Variants in TBC1D9B observed in about 807,000 individuals in gnomAD.
TBC1D9B encodes TBC1 domain family member 9B.
A neutral mutation model predicts 121.1 loss-of-function variants in TBC1D9B; 87 were observed. That is an observed-to-expected ratio of 0.72 (90% CI 0.60 to 0.86). The LOEUF (loss-of-function observed/expected upper bound fraction) is 0.86, where lower values mean the gene tolerates loss of function less well. TBC1D9B is among the 40% of genes least tolerant of loss of function. The pLI, the probability that TBC1D9B is intolerant of heterozygous loss-of-function variation, is 0.00. For missense variants in TBC1D9B, 1,540 were observed against 1,628.6 expected, an observed-to-expected ratio of 0.95 and a Z score of 0.94; for synonymous variants, 668 against 670.1, an observed-to-expected ratio of 1.00 and a Z score of 0.05.
chr5:179,880,939 C>T (rs116649268), intron 7 of TBC1D9B, among the ~76,000 whole-genome samples: 2,196 of 152,238 alleles, frequency 0.014, 61 homozygotes, highest in African/African-American at 0.05. Context: ...CCAGAGGGAC[C>T]GACTAGGACA....
intron 7 of TBC1D9B, among the ~76,000 whole-genome samples, chr5:179,880,612 T>G (rs1441380140): frequency 6.6e-6 from 1 of 152,190 alleles, no homozygotes; most frequent in East Asian, 1.9e-4. Flanking sequence ...AACCCTGATC[T>G]TGACTGTGGT....
At position 179,875,102 on chromosome 5, in the gene TBC1D9B, C is replaced by T; in HGVS notation, c.1986G>A (p.Val662=). Residue 662 remains valine (V), a synonymous_variant, in exon 12 of 21, where the codon GTG becomes GTA. Transcript: ENST00000355235. This position sits in a 1 kb window ranked among gnomAD's most constrained non-coding sequence, Gnocchi z 4.5. The part of the protein sequence containing the change: ...QLSEKMQDLG[V]ISSISLSWFL... ...ACCAGGACAGCGAGATGCTGGAGAT[C>T]ACCCCCAGGTCCTGCATCTTCTCCG... 1 of 1,614,054 alleles carries T rather than the reference C, an allele frequency of 6.2e-7. No homozygotes were observed. The highest frequency in any genetic ancestry group is 8.5e-7 in the Non-Finnish European group (1 of 1,180,034).
Position 179,874,968 on chromosome 5 carries a change from A to G in TBC1D9B, c.2120T>C (p.Leu707Pro). The G allele has an allele frequency of 1.2e-6, 2 of 1,613,814 alleles. No homozygotes were observed. Among genetic ancestry groups the G allele is most frequent in the East Asian group, 2.2e-5 (1 of 44,880 alleles). The change falls in exon 12 of 21, where the codon CTG becomes CCG. Residue 707 changes from leucine (L) to proline (P), a missense_variant. By Grantham distance (98) the Leu-to-Pro change is moderately conservative (BLOSUM62 -3). Coordinates refer to ENST00000355235, the MANE Select transcript of TBC1D9B (RefSeq NM_015043.4). This position sits in a 1 kb window ranked among gnomAD's most constrained non-coding sequence, Gnocchi z 4.3. Reference protein sequence around the residue: ...KVILQVALAVLDANMEQLLGC... With the variant: ...KVILQVALAVPDANMEQLLGC... ...CAGCAGCTGCTCCATGTTGGCGTCC[A>G]GGACGGCCAGGGCCACCTGCAGGAT...
Position 179,875,291 on chromosome 5 carries a change from G to T in TBC1D9B, c.1901-104C>A. 1 of 1,396,964 alleles carries T rather than the reference G, an allele frequency of 7.2e-7. No individual in the cohort carries two copies. Among genetic ancestry groups the T allele is most frequent in the South Asian group, 1.4e-5 (1 of 71,344 alleles). The allele number at this position is 1,396,964 out of a possible 1,614,324, so 86.5% of individuals were successfully genotyped here. ...TGGCCACTCCAGCCCTGCCAGCTGT[G>T]CAGTGAGGGCTGAGGGAGACTTGGA... On this transcript the variant is annotated intron_variant, in intron 11 of 20. Coordinates refer to ENST00000355235, the MANE Select transcript of TBC1D9B (RefSeq NM_015043.4). This position sits in a 1 kb window ranked among gnomAD's most constrained non-coding sequence, Gnocchi z 4.5.
chr5:179,905,972 T>C (rs2113656164), intron 1 of TBC1D9B, among the ~76,000 whole-genome samples: 1 of 152,298 alleles, frequency 6.6e-6, no homozygotes, highest in East Asian at 1.9e-4. Flanking sequence ...CTTGACCTCC[T>C]GGGTTCAAGC....
At position 179,870,397 on chromosome 5, in the gene TBC1D9B, G is replaced by T; in HGVS notation, c.2583C>A (p.Ala861=). Residue 861 remains alanine, a synonymous_variant, in exon 16 of 21, where the codon GCC becomes GCA. Transcript: ENST00000355235. ...LPYLEQYRID[A]SQFRELFASL... is the part of the protein sequence containing the mutation. ...TGGCAAAGAGTTCCCGGAACTGGCT[G>T]GCATCAATCCGGTACTGCTCCAGGT... 1 of 1,613,772 alleles carries T rather than the reference G, an allele frequency of 6.2e-7. No individual in the cohort carries two copies.
intron 20 of TBC1D9B, 124 bp from the exon 21 acceptor site, chr5:179,864,252 C>T (rs1759939815): frequency 3.2e-6 from 3 of 952,140 alleles, no homozygotes; most frequent in Non-Finnish European, 1.5e-6. Context: ...CTAATCATCT[C>T]CATGAGCCTC....
At chr5:179,883,535 T>C (rs954820996) in intron 7 of TBC1D9B, among the ~76,000 whole-genome samples, 4 of 151,732 alleles carry the variant, frequency 2.6e-5, no homozygotes, top group Admixed American at 6.6e-5. Context: ...AATATCTGGT[T>C]TTTTTTTTCT....
intron 14 of TBC1D9B, chr5:179,871,835 C>A (rs1760212232): frequency 5.8e-6 from 1 of 173,572 alleles, no homozygotes; most frequent in Non-Finnish European, 1.0e-5. Flanking sequence ...CACTCCGGGC[C>A]CCTTCCCAGG....
intron 15 of TBC1D9B, 121 bp from the exon 16 acceptor site, chr5:179,870,616 A>T (rs1045184015): frequency 7.1e-7 from 1 of 1,407,066 alleles, no homozygotes; most frequent in African/African-American, 1.4e-5. Flanking sequence ...TGGGGCGGTA[A>T]GCACGGGCCA....
chr5:179,883,133 A>G (rs1316068335), intron 7 of TBC1D9B, among the ~76,000 whole-genome samples: 1 of 152,210 alleles, frequency 6.6e-6, no homozygotes. Context: ...TGCTGGGATT[A>G]CAGGTGTGAG....
intron 20 of TBC1D9B, 23 bp from the exon 21 acceptor site, chr5:179,864,151 A>C: frequency 6.4e-7 from 1 of 1,574,004 alleles, no homozygotes; most frequent in South Asian, 1.2e-5. Flanking sequence ...AAAACAGAAG[A>C]ACAGGGAGAT....
intron 7 of TBC1D9B, among the ~76,000 whole-genome samples, chr5:179,886,091 T>C (rs552760453): frequency 6.6e-6 from 1 of 152,334 alleles, no homozygotes; most frequent in East Asian, 1.9e-4. Flanking sequence ...CAGTGCTGCC[T>C]GATCAGAGAG....
Position 179,872,963 on chromosome 5 carries a change from T to C in TBC1D9B, c.2344A>G (p.Ile782Val). 1.9e-6 allele frequency: 3 copies of C among 1,605,070 alleles called. No homozygotes were observed. Among genetic ancestry groups the C allele is most frequent in the Non-Finnish European group, 2.6e-6 (3 of 1,175,900 alleles). ...CTCTGTTTAAACCGCATCTGCTCAATGTCTTCGGCCCTCAGGCTGCTGAAT... is the reference window on the plus strand; with the variant it reads ...CTCTGTTTAAACCGCATCTGCTCAACGTCTTCGGCCCTCAGGCTGCTGAAT... Reference protein sequence around the residue: ...EKFSSLRAEDIEQMRFKQRLK... With the variant: ...EKFSSLRAEDVEQMRFKQRLK... The change falls in exon 14 of 21, where the codon ATT (isoleucine) becomes GTT (valine). Residue 782 changes from isoleucine (I) to valine (V), a missense_variant. Physicochemically the swap from Ile to Val is conservative, Grantham distance 29 (BLOSUM62 3). Transcript: ENST00000355235.
chr5:179,879,881 C>T (rs1306512039), intron 7 of TBC1D9B, 92 bp from the exon 8 acceptor site: 11 of 1,425,840 alleles, frequency 7.7e-6, no homozygotes, highest in Admixed American at 5.1e-5. Context: ...GATCGGGGCC[C>T]GGTGCAAGAA....
chr5:179,906,387 G>T, intron 1 of TBC1D9B, among the ~76,000 whole-genome samples: 1 of 152,206 alleles, frequency 6.6e-6, no homozygotes, highest in East Asian at 1.9e-4. Context: ...GCAGGAAGGA[G>T]GTGTACAGAG....
rs892749822 is a variant in TBC1D9B, at chr5:179,907,285, T to A, written c.118+419A>T. Among the ~76,000 whole-genome samples, 1 of 152,100 alleles carries A rather than the reference T, an allele frequency of 6.6e-6. No homozygotes were observed. The highest frequency in any genetic ancestry group is 1.5e-5 in the Non-Finnish European group (1 of 67,994). The stretch of plus-strand genomic sequence containing the variant: ...GAAGAGGGCAAAAGAAAACGTGCGC[T>A]GGCGTCACCTGGCCCCTTAGAGGCA... On this transcript the variant is annotated intron_variant, in intron 1 of 20. Coordinates refer to ENST00000355235, the MANE Select transcript of TBC1D9B (RefSeq NM_015043.4). This position sits in a 1 kb window ranked among gnomAD's most constrained non-coding sequence, Gnocchi z 5.3.
At chr5:179,881,090 G>A (rs956504186) in intron 7 of TBC1D9B, among the ~76,000 whole-genome samples, 6 of 152,158 alleles carry the variant, frequency 3.9e-5, no homozygotes, top group Non-Finnish European at 5.9e-5. Context: ...GGTGTGTGGC[G>A]TGCAGCCAAC....
intron 10 of TBC1D9B, among the ~76,000 whole-genome samples, chr5:179,877,933 T>G (rs78172704): frequency 0.011 from 1,728 of 152,230 alleles, 42 homozygotes; most frequent in African/African-American, 0.039. Context: ...AGCTGTGGTT[T>G]TGCAAGATGA....
Sources: allele counts gnomAD v4.1 joint callset (sites outside exome capture counted in the v4.1 genomes callset), GRCh38; gene constraint gnomAD v4.1.1; non-coding constraint Gnocchi (gnomAD v3.1); transcripts MANE v1.5; gene names NCBI Gene and HGNC (gene_info 2026-07-23, HGNC 2026-07-21).